CEP350: variants seen among roughly 807,000 people sequenced by gnomAD.
CEP350 encodes centrosomal protein 350.
A neutral mutation model predicts 331.8 loss-of-function variants in CEP350; 126 were observed. That is an observed-to-expected ratio of 0.38 (90% CI 0.33 to 0.44). CEP350 has a LOEUF of 0.44. Among genes scored for constraint, CEP350 ranks in the 20% least tolerant of loss-of-function variants. CEP350 has a pLI of 1.00. For synonymous variants in CEP350, 1,200 were observed against 1,259.5 expected (o/e 0.95, Z 1.00); for missense variants, 3,406 against 3,634.6 (o/e 0.94, Z 1.62).
Position 180,041,157 on chromosome 1 carries a change from A to G in CEP350, c.4130A>G (p.Glu1377Gly). 9 of 1,595,216 alleles carry G rather than the reference A, an allele frequency of 5.6e-6. No homozygotes were observed. The highest frequency in any genetic ancestry group is 6.8e-6 in the Non-Finnish European group (8 of 1,170,814). ...TTGAAGGCACAACAGCAACGCCATG[A>G]AAGAGACTTGGCCCTCTTGAAACTA... is the stretch of plus-strand genomic sequence containing the variant. ...QIIKAQQQRH[E>G]RDLALLKLKA... Residue 1377 changes from glutamate (E) to glycine (G), a missense_variant, in exon 18 of 38, where the codon GAA becomes GGA. Glu to Gly is a moderately conservative substitution (Grantham distance 98). Transcript: ENST00000367607.
At chr1:180,096,402 C>A (rs199850299) in intron 36 of CEP350, among the ~76,000 whole-genome samples, 255 of 138,284 alleles carry the variant, frequency 1.8e-3, no homozygotes, top group Non-Finnish European at 1.8e-3. Flanking sequence ...CAAGTTTGTG[C>A]AAAAAAAAAA....
intron 21 of CEP350, among the ~76,000 whole-genome samples, chr1:180,046,958 TAGA>T (rs1354413407): frequency 6.6e-6 from 1 of 152,260 alleles, no homozygotes; most frequent in African/African-American, 2.4e-5. Context: ...ATTGCTTTAT[TAGA>T]AGATTTATGT....
intron 33 of CEP350, among the ~76,000 whole-genome samples, chr1:180,091,915 A>G (rs1217082973): frequency 1.3e-5 from 2 of 152,036 alleles, no homozygotes; most frequent in Non-Finnish European, 2.9e-5. Context: ...GGCCAGGCAC[A>G]GTGGCTCGTG....
At chr1:179,966,280 G>T (rs510209) in intron 1 of CEP350, among the ~76,000 whole-genome samples, 1 of 151,874 alleles carries the variant, frequency 6.6e-6, no homozygotes, top group Non-Finnish European at 1.5e-5. Context: ...ACACCAACAG[G>T]CATCCCTAGA....
At chr1:179,995,065 TCCTAAATGTTTAGAAC>T (rs1653371047) in intron 5 of CEP350, among the ~76,000 whole-genome samples, 1 of 152,204 alleles carries the variant, frequency 6.6e-6, no homozygotes, top group African/African-American at 2.4e-5. Flanking sequence ...TATTTTACAT[TCCTAAATGTTTAGAAC>T]CCAGTATGTA....
At chr1:179,991,383 C>G (rs920608160) in intron 4 of CEP350, among the ~76,000 whole-genome samples, 1 of 137,214 alleles carries the variant, frequency 7.3e-6, no homozygotes, top group Non-Finnish European at 1.5e-5. Flanking sequence ...GTGGCATGAT[C>G]TCTACTCACT....
chr1:180,019,677 C>T (rs1011123192), intron 11 of CEP350, among the ~76,000 whole-genome samples: 1 of 151,982 alleles, frequency 6.6e-6, no homozygotes, highest in Admixed American at 6.5e-5. Context: ...GCTTGCAAAA[C>T]AGTATATATG....
chr1:179,973,009 A>G (rs1651571108), intron 1 of CEP350, among the ~76,000 whole-genome samples: 1 of 151,654 alleles, frequency 6.6e-6, no homozygotes, highest in Admixed American at 6.6e-5. Context: ...CTGGGACTAC[A>G]GGCGCCCACC....
chr1:180,033,280 A>G (rs1656137478), intron 15 of CEP350, among the ~76,000 whole-genome samples: 1 of 152,124 alleles, frequency 6.6e-6, no homozygotes, highest in Non-Finnish European at 1.5e-5. Flanking sequence ...CTGTTATGTT[A>G]CTTATTAGAA....
At chr1:180,042,538 C>A (rs75589676) in intron 19 of CEP350, among the ~76,000 whole-genome samples, 2 of 152,142 alleles carry the variant, frequency 1.3e-5, no homozygotes, top group Admixed American at 6.5e-5. Context: ...AACTGAGTCT[C>A]CTTTCTCAAG....
intron 1 of CEP350, among the ~76,000 whole-genome samples, chr1:179,973,519 T>C (rs1399805385): frequency 6.6e-6 from 1 of 152,234 alleles, no homozygotes. Context: ...TTTTTTTTAG[T>C]GTAATCATAA....
intron 15 of CEP350, among the ~76,000 whole-genome samples, chr1:180,031,892 G>C (rs1656046877): frequency 6.6e-6 from 1 of 152,024 alleles, no homozygotes; most frequent in African/African-American, 2.4e-5. Context: ...TTTTCACTGG[G>C]CTACCACAAA....
intron 27 of CEP350, among the ~76,000 whole-genome samples, chr1:180,067,036 A>T (rs947026437): frequency 6.6e-6 from 1 of 152,084 alleles, no homozygotes; most frequent in Non-Finnish European, 1.5e-5. Context: ...TGTAGAAAAA[A>T]CTTAATTCCA....
At position 180,092,784 on chromosome 1, in the gene CEP350, C is replaced by T. The variant is rs746394039; in HGVS notation, c.6679C>T (p.Pro2227Ser). 1 of 1,579,910 alleles carries T rather than the reference C, an allele frequency of 6.3e-7. No homozygotes were observed. Among genetic ancestry groups the T allele is most frequent in the East Asian group, 2.3e-5 (1 of 43,698 alleles). Residue 2227 changes from proline (P) to serine (S), a missense_variant, in exon 34 of 38, where the codon CCT becomes TCT. By Grantham distance (74) the Pro-to-Ser change is moderately conservative (BLOSUM62 -1). Around this residue, in one of 5 missense-constraint regions of CEP350, gnomAD observed 1,415 missense variants for 1,512.3 expected, o/e 0.94. Coordinates refer to ENST00000367607, the MANE Select transcript of CEP350 (RefSeq NM_014810.5). ...ATCTGGAGATTCTCTAGAAAATGTA[C>T]CTGCATTACATCTTCTCAAAGAATT... Reference protein sequence around the residue: ...EESGDSLENVPALHLLKELNA... With the variant: ...EESGDSLENVSALHLLKELNA...
rs773852529 is a variant in CEP350 at position 179,987,228 on chromosome 1, T to C, written c.74-12T>C. On this transcript the variant is annotated splice_polypyrimidine_tract_variant and intron_variant, in intron 2 of 37. Transcript: ENST00000367607. The stretch of plus-strand genomic sequence containing the variant: ...GGTTGATTGATAAAGTAAATATCAT[T>C]TTTTTTCCCAGCAGATATAACCACA... 2.7e-6 allele frequency: 4 copies of C among 1,477,270 alleles called. No homozygotes were observed. In the African/African-American group the frequency reaches 5.6e-5, roughly 21 times the overall value. The allele number at this position is 1,477,270 out of a possible 1,614,324, so 91.5% of individuals were successfully genotyped here.
At chr1:180,070,165 A>G (rs1658796328) in intron 27 of CEP350, among the ~76,000 whole-genome samples, 1 of 152,232 alleles carries the variant, frequency 6.6e-6, no homozygotes, top group Non-Finnish European at 1.5e-5. Flanking sequence ...CAATGGAGAA[A>G]CAAATGATAA....
rs773325492 is a variant in CEP350 at position 180,020,330 on chromosome 1, C to T, written c.2556C>T (p.Asn852=). 1 of 1,613,932 alleles carries T rather than the reference C, an allele frequency of 6.2e-7. No homozygotes were observed. The highest frequency in any genetic ancestry group is 8.5e-7 in the Non-Finnish European group (1 of 1,179,902). The part of the protein sequence containing the change: ...EAKKLAGASI[N]YGSAWNTEYD... ...AGAAATTAGCTGGGGCCAGCATTAACTATGGGTCAGCATGGAACACTGAGT... is the reference window on the plus strand; with the variant it reads ...AGAAATTAGCTGGGGCCAGCATTAATTATGGGTCAGCATGGAACACTGAGT... Residue 852 remains asparagine (N), a synonymous_variant, in exon 12 of 38, where the codon AAC becomes AAT. Coordinates refer to ENST00000367607, the MANE Select transcript of CEP350 (RefSeq NM_014810.5).
At chr1:180,073,808 T>C in intron 27 of CEP350, 1 of 1,304,476 alleles carries the variant, frequency 7.7e-7, no homozygotes, top group Non-Finnish European at 1.0e-6. Context: ...TGTTCACTAC[T>C]TCTTCTCTGT....
chr1:180,027,982 C>A (rs1019303848), intron 14 of CEP350, among the ~76,000 whole-genome samples: 1 of 152,098 alleles, frequency 6.6e-6, no homozygotes, highest in Non-Finnish European at 1.5e-5. Context: ...AATCATTAAC[C>A]TAATATAAAC....
Sources: gnomAD v4.1 joint callset for allele counts (sites outside exome capture counted in the v4.1 genomes callset) on GRCh38, gnomAD v4.1.1 for gene constraint, gnomAD v4.1.1 regional missense constraint, MANE v1.5 for transcripts, NCBI Gene and HGNC (gene_info 2026-07-23, HGNC 2026-07-21) for gene names.